The following SIDT1 variants were observed in gnomAD, a reference collection of about 807,000 sequenced individuals.
SIDT1 encodes the protein SID1 transmembrane family member 1, also known as SID1 transmembrane family, member 1.
In SIDT1, 101 loss-of-function variants were observed where a neutral mutation model predicts 107.5. The observed-to-expected ratio is 0.94, with a 90% CI of 0.80 to 1.11. The LOEUF is 1.11. Among genes scored for constraint, SIDT1 ranks in the 50% least tolerant of loss-of-function variants. SIDT1 has a pLI of 0.00. For missense variants in SIDT1, 1,076 were observed against 1,058.2 expected (o/e 1.02, Z -0.23); for synonymous variants, 395 against 398.2 (o/e 0.99, Z 0.10).
chr3:113,613,401 G>A (rs1945889643), intron 19 of SIDT1, among the ~76,000 whole-genome samples: 1 of 152,244 alleles, frequency 6.6e-6, no homozygotes, highest in African/African-American at 2.4e-5. Flanking sequence ...ACTCATGAGG[G>A]AATAAGGCCT....
chr3:113,569,508 A>G (rs1407439964), intron 3 of SIDT1, among the ~76,000 whole-genome samples: 1 of 152,222 alleles, frequency 6.6e-6, no homozygotes, highest in East Asian at 1.9e-4. Flanking sequence ...ATCTGTAGCC[A>G]GTAGAGTTGC....
downstream of SIDT1, among the ~76,000 whole-genome samples, chr3:113,634,344 G>A (rs1269701139): frequency 6.6e-6 from 1 of 152,046 alleles, no homozygotes; most frequent in Non-Finnish European, 1.5e-5. Context: ...ATTAAGTTTG[G>A]CATAACTGGT....
At chr3:113,612,367 A>C (rs1157907958) in intron 19 of SIDT1, 173 bp downstream of exon 19, 2 of 673,828 alleles carry the variant, frequency 3.0e-6, no homozygotes, top group Non-Finnish European at 5.4e-6. Flanking sequence ...TCTCCCTTAT[A>C]GGATAGTGAT....
chr3:113,534,085 A>G (rs535077769), intron 1 of SIDT1, among the ~76,000 whole-genome samples: 10 of 152,182 alleles, frequency 6.6e-5, no homozygotes, highest in Non-Finnish European at 1.3e-4. Context: ...CAGAGAGAGA[A>G]AGAGAGAAAG....
At position 113,627,734 on chromosome 3, in the gene SIDT1, G is replaced by T; in HGVS notation, c.*26G>T. 6.2e-7 allele frequency: 1 copy of T among 1,610,162 alleles called. No individual in the cohort carries two copies. Among genetic ancestry groups the T allele is most frequent in the Non-Finnish European group, 8.5e-7 (1 of 1,177,524 alleles). On this transcript the variant is annotated 3_prime_UTR_variant, in exon 25 of 25. Coordinates refer to ENST00000264852, the MANE Select transcript of SIDT1 (RefSeq NM_017699.3). The stretch of plus-strand genomic sequence containing the variant: ...ACCTCCAACATTAAGAGAGGGGAGG[G>T]AGCGATCAATCTTGGTGCTGTTTCA...
chr3:113,552,693 C>T lies in SIDT1; in HGVS notation c.223-13727C>T, dbSNP rs559764291. On this transcript the variant is annotated intron_variant, in intron 1 of 24. Transcript: ENST00000264852. ...ATATGGTCACCCCTGGACCCCGCTG[C>T]TGTGGACCCTATTGATATCACCACT... Among the ~76,000 whole-genome samples the T allele has an allele frequency of 7.2e-5, 11 of 152,294 alleles. No homozygotes were observed. The South Asian group carries it at 1.7e-3, about 23-fold the overall frequency.
At chr3:113,579,816 A>G (rs1576834380) in intron 4 of SIDT1, among the ~76,000 whole-genome samples, 1 of 152,172 alleles carries the variant, frequency 6.6e-6, no homozygotes, top group East Asian at 1.9e-4. Context: ...TCAATCAGTT[A>G]TCGTATTTTA....
Position 113,576,922 on chromosome 3 carries a change from G to A in SIDT1, c.516G>A (p.Arg172=). 1 of 1,613,986 alleles carries A rather than the reference G, an allele frequency of 6.2e-7. No individual in the cohort carries two copies. The highest frequency in any genetic ancestry group is 8.5e-7 in the Non-Finnish European group (1 of 1,179,944). The change falls in exon 4 of 25, where the codon CGG becomes CGA. Residue 172 remains arginine, a splice_region_variant and synonymous_variant. Transcript: ENST00000264852. ...CCCTTCTGCCACTTACGTTTCTCAG[G>A]ACAAATGTTGCCTTTCACTTTACTG... ...LVTKLKHFQL[R]TNVAFHFTAS...
At chr3:113,577,048 TAG>T in intron 4 of SIDT1, 81 bp downstream of exon 4, 1 of 1,355,428 alleles carries the variant, frequency 7.4e-7, no homozygotes, top group East Asian at 2.3e-5. Flanking sequence ...GTTACCCTGG[TAG>T]AGTTAGCGTG....
the SIDT1 span, among the ~76,000 whole-genome samples, chr3:113,635,812 AG>A: frequency 6.6e-6 from 1 of 151,748 alleles, no homozygotes; most frequent in Non-Finnish European, 1.5e-5. Flanking sequence ...GGAGGCAGTG[AG>A]CCGAGATCGT....
At chr3:113,614,344 G>A (rs993203602) in intron 19 of SIDT1, among the ~76,000 whole-genome samples, 10 of 152,202 alleles carry the variant, frequency 6.6e-5, no homozygotes, top group African/African-American at 1.4e-4. Flanking sequence ...AGAGATTCAT[G>A]GCAAGTGGGC....
intron 1 of SIDT1, among the ~76,000 whole-genome samples, chr3:113,543,190 C>T (rs565568669): frequency 6.6e-6 from 1 of 152,224 alleles, no homozygotes; most frequent in African/African-American, 2.4e-5. Context: ...ATCCATCTGC[C>T]TCAGCCTCCC....
chr3:113,632,785 G>A (rs1260653765), downstream of SIDT1: 1 of 152,230 alleles, frequency 6.6e-6, no homozygotes, highest in South Asian at 2.1e-4. Flanking sequence ...AGGAGTTCTG[G>A]GCTGTAGTGC....
Position 113,626,163 on chromosome 3 carries a change from AC to A in SIDT1, c.2371del (p.His791MetfsTer20). ...RECILLDFFD[D>X]HDIWHFLSAT... ...TGCATTCTGCTGGATTTCTTCGATG[AC>A]CATGACATCTGGCACTTCCTCTCTG... On this transcript the variant is annotated frameshift_variant, in exon 24 of 25. Transcript: ENST00000264852. LOFTEE classifies it high-confidence loss of function. 12 of 1,613,886 alleles carry A rather than the reference AC, an allele frequency of 7.4e-6. No homozygotes were observed. The highest frequency in any genetic ancestry group is 1.0e-5 in the Non-Finnish European group (12 of 1,179,934).
chr3:113,597,185 G>C lies in SIDT1; in HGVS notation c.1045+4137G>C, dbSNP rs540836065. Among the ~76,000 whole-genome samples the C allele has an allele frequency of 3.9e-5, 6 of 152,178 alleles. No individual in the cohort carries two copies. The South Asian group carries it at 1.2e-3, about 32-fold the overall frequency. On this transcript the variant is annotated intron_variant, in intron 10 of 24. Transcript: ENST00000264852. ...CAAAACGTGACACTAAGTTGGGATA[G>C]GTAGGCAATTGGCATAAAAATAAAA...
chr3:113,611,211 C>A, intron 18 of SIDT1, 67 bp downstream of exon 18: 1 of 1,564,878 alleles, frequency 6.4e-7, no homozygotes, highest in Non-Finnish European at 8.7e-7. Context: ...AAACAAACAA[C>A]AATCAAGTGA....
chr3:113,561,051 G>C (rs1035566341), intron 1 of SIDT1, among the ~76,000 whole-genome samples: 3 of 152,178 alleles, frequency 2.0e-5, no homozygotes, highest in African/African-American at 7.2e-5. Flanking sequence ...ACAGGAAAAA[G>C]CAACAAGAGG....
chr3:113,538,822 T>C (rs1229727167), intron 1 of SIDT1, among the ~76,000 whole-genome samples: 1 of 152,162 alleles, frequency 6.6e-6, no homozygotes, highest in African/African-American at 2.4e-5. Context: ...GGAAAGGCAT[T>C]TCAGATACGG....
chr3:113,585,459 T>G (rs1396049157), intron 9 of SIDT1, among the ~76,000 whole-genome samples, 189 bp downstream of exon 9: 1 of 152,116 alleles, frequency 6.6e-6, no homozygotes, highest in Non-Finnish European at 1.5e-5. Context: ...ATCCATAAAG[T>G]GAGATAATAA....
Sources: gnomAD v4.1 joint callset for allele counts (sites outside exome capture counted in the v4.1 genomes callset) on GRCh38, gnomAD v4.1.1 for gene constraint, MANE v1.5 for transcripts, NCBI Gene and HGNC (gene_info 2026-07-23, HGNC 2026-07-21) for gene names.